The following ANO4 variants were observed in gnomAD, a reference collection of about 807,000 sequenced individuals.
The protein encoded by ANO4 is anoctamin 4.
A neutral mutation model predicts 141.9 loss-of-function variants in ANO4; 69 were observed. The observed-to-expected ratio is 0.49, with a 90% CI of 0.40 to 0.59. ANO4 has a LOEUF of 0.59. ANO4 is among the 20% of genes least tolerant of loss of function. ANO4 has a pLI of 0.00. For synonymous variants in ANO4, 350 were observed against 394.3 expected, an observed-to-expected ratio of 0.89 and a Z score of 1.33; for missense variants, 894 against 1,162.2, an observed-to-expected ratio of 0.77 and a Z score of 3.36.
At chr12:100,807,600 G>A (rs935069796) in intron 1 of ANO4, among the ~76,000 whole-genome samples, 1 of 152,156 alleles carries the variant, frequency 6.6e-6, no homozygotes, top group Non-Finnish European at 1.5e-5. Flanking sequence ...GGGTACAAGT[G>A]TGGGTTTGTT....
intron 18 of ANO4, among the ~76,000 whole-genome samples, chr12:101,096,115 G>A (rs759761625): frequency 6.6e-6 from 1 of 152,178 alleles, no homozygotes; most frequent in Non-Finnish European, 1.5e-5. Context: ...GGTATAATAT[G>A]AGAACTAGAA....
chr12:101,040,617 T>C (rs1164389688), intron 11 of ANO4, among the ~76,000 whole-genome samples: 1 of 152,172 alleles, frequency 6.6e-6, no homozygotes, highest in African/African-American at 2.4e-5. Flanking sequence ...TTTTTATTAT[T>C]ATTATACTTT....
At chr12:100,844,112 G>A (rs1237391237) in intron 1 of ANO4, among the ~76,000 whole-genome samples, 1 of 152,054 alleles carries the variant, frequency 6.6e-6, no homozygotes, top group Non-Finnish European at 1.5e-5. Context: ...TTCATGGAGT[G>A]TACACTGTAC....
At chr12:100,952,130 C>G (rs906822120) in intron 5 of ANO4, among the ~76,000 whole-genome samples, 1 of 152,172 alleles carries the variant, frequency 6.6e-6, no homozygotes, top group Non-Finnish European at 1.5e-5. Context: ...TTTCAGCACT[C>G]TTAACATCAG....
intron 14 of ANO4, chr12:101,066,972 A>G: frequency 3.1e-6 from 2 of 652,470 alleles, no homozygotes; most frequent in East Asian, 2.9e-5. Flanking sequence ...GACACTCTTC[A>G]TGTACCCTAG....
upstream of ANO4, chr12:100,717,424 G>A: frequency 2.6e-6 from 1 of 388,212 alleles, no homozygotes; most frequent in East Asian, 3.7e-5. Flanking sequence ...CGCCGCTAGA[G>A]CCAAGCGCAT....
At chr12:100,819,472 T>C (rs2135730715) in intron 1 of ANO4, among the ~76,000 whole-genome samples, 1 of 152,122 alleles carries the variant, frequency 6.6e-6, no homozygotes, top group East Asian at 1.9e-4. Context: ...CCCTATGATT[T>C]AAAGTAAGAT....
At chr12:100,910,975 A>G (rs1738757226) in intron 2 of ANO4, among the ~76,000 whole-genome samples, 1 of 152,116 alleles carries the variant, frequency 6.6e-6, no homozygotes, top group South Asian at 2.1e-4. Flanking sequence ...AAATGCTAGG[A>G]CATAATTGAT....
At position 100,812,052 on chromosome 12, in the gene ANO4, ACG is replaced by A. The variant is rs936700348; in HGVS notation, c.-141+17028_-141+17029del. Reference sequence around the variant, plus strand: ...CACATATATGTGTACACACACACACACGCGTAATTCCTCTTCTCTCCCCCCAC... The same window carrying A: ...CACATATATGTGTACACACACACACACGTAATTCCTCTTCTCTCCCCCCAC... On this transcript the variant is annotated intron_variant, in intron 1 of 27. Transcript: ENST00000392977. 2.2e-4 allele frequency among the ~76,000 whole-genome samples: 32 copies of A among 144,958 alleles called. No homozygotes were observed. In the East Asian group the frequency reaches 3.2e-3, roughly 15 times the overall value.
intron 8 of ANO4, among the ~76,000 whole-genome samples, chr12:101,016,417 A>G (rs2046318755): frequency 1.3e-5 from 2 of 152,270 alleles, no homozygotes; most frequent in African/African-American, 4.8e-5. Context: ...GAACTCACTC[A>G]TTACCATGGG....
intron 16 of ANO4, 50 bp from the exon 17 acceptor site, chr12:101,086,610 C>A (rs1307460499): frequency 6.2e-6 from 10 of 1,603,304 alleles, no homozygotes; most frequent in Non-Finnish European, 8.5e-6. Context: ...GAATCCTCTT[C>A]CTGTAACATT....
At chr12:101,022,056 A>T (rs551026409) in intron 9 of ANO4, among the ~76,000 whole-genome samples, 1 of 149,026 alleles carries the variant, frequency 6.7e-6, no homozygotes, top group East Asian at 2.0e-4. Context: ...AAAAAAAAAA[A>T]AAAACACCTA....
chr12:100,857,608 A>G (rs1238513950), intron 1 of ANO4, among the ~76,000 whole-genome samples: 1 of 152,164 alleles, frequency 6.6e-6, no homozygotes, highest in Admixed American at 6.5e-5. Context: ...TACGCAGACA[A>G]GTGTGGTGCC....
Position 101,086,648 on chromosome 12 carries a change from T to C in ANO4, c.1537-12T>C. The stretch of plus-strand genomic sequence containing the variant: ...ACCAAGAGGTTCACCGGGTGTCTTG[T>C]CTTCCTGCCAGATCTGCGTGGTGAT... On this transcript the variant is annotated splice_polypyrimidine_tract_variant and intron_variant, in intron 16 of 27. Coordinates refer to ENST00000392977, the MANE Select transcript of ANO4 (RefSeq NM_001286615.2). 1 of 1,613,192 alleles carries C rather than the reference T, an allele frequency of 6.2e-7. No individual in the cohort carries two copies. The highest frequency in any genetic ancestry group is 8.5e-7 in the Non-Finnish European group (1 of 1,179,644).
Position 100,806,524 on chromosome 12 carries a change from G to GTTTTTTTTTTTTTTTTTTTTTTTTT in ANO4, c.-141+11509_-141+11533dup, listed in dbSNP as rs763949654. 4.5e-4 allele frequency among the ~76,000 whole-genome samples: 27 copies of GTTTTTTTTTTTTTTTTTTTTTTTTT among 59,880 alleles called. 8 individuals carry two copies. The highest frequency in any genetic ancestry group is 3.5e-3 in the East Asian group (5 of 1,448). 39.3% of individuals were successfully genotyped at this position (59,880 alleles called of 152,430 possible). On this transcript the variant is annotated intron_variant, in intron 1 of 27. Coordinates refer to ENST00000392977, the MANE Select transcript of ANO4 (RefSeq NM_001286615.2). ...TTTTAGGAGGTTTTTTTTTTGTTTC[G>GTTTTTTTTTTTTTTTTTTTTTTTTT]TTTTTTTTTTTTTTTTTTTTTTTTT... is the stretch of plus-strand genomic sequence containing the variant.
chr12:100,874,511 T>A (rs1164868363), intron 1 of ANO4, among the ~76,000 whole-genome samples: 1 of 151,994 alleles, frequency 6.6e-6, no homozygotes, highest in Non-Finnish European at 1.5e-5. Context: ...AGTTTTAAGT[T>A]TTTTTATTTT....
chr12:100,870,707 C>T (rs2038988955), intron 1 of ANO4, among the ~76,000 whole-genome samples: 1 of 152,088 alleles, frequency 6.6e-6, no homozygotes, highest in Admixed American at 6.6e-5. Context: ...TGTAGTATGG[C>T]AGGGTGATCT....
chr12:100,981,142 T>C (rs1018162780), intron 7 of ANO4, among the ~76,000 whole-genome samples: 4 of 152,176 alleles, frequency 2.6e-5, no homozygotes, highest in Admixed American at 6.5e-5. Flanking sequence ...AAGGACAAAA[T>C]GGCTTGTGTA....
chr12:101,041,958 A>G (rs150635088), intron 11 of ANO4, among the ~76,000 whole-genome samples: 21 of 152,192 alleles, frequency 1.4e-4, no homozygotes, highest in African/African-American at 4.8e-4. Flanking sequence ...TTTTACTTCC[A>G]CCATATCTCT....
Sources: allele counts gnomAD v4.1 joint callset (sites outside exome capture counted in the v4.1 genomes callset), GRCh38; gene constraint gnomAD v4.1.1; transcripts MANE v1.5; gene names NCBI Gene and HGNC (gene_info 2026-07-23, HGNC 2026-07-21).